The following AFAP1L2 variants were observed in gnomAD, a reference collection of about 807,000 sequenced individuals.
AFAP1L2 encodes actin filament associated protein 1 like 2.
AFAP1L2 carries 46 observed loss-of-function variants against 99.3 expected under a neutral mutation model. The ratio of observed to expected loss-of-function variants is 0.46; its 90% CI spans 0.37 to 0.59. The LOEUF (loss-of-function observed/expected upper bound fraction) is 0.59. Among genes scored for constraint, AFAP1L2 ranks in the 20% least tolerant of loss-of-function variants. The pLI is 0.00. For missense variants in AFAP1L2, 959 were observed against 1,034.9 expected (o/e 0.93, Z 1.01); for synonymous variants, 397 against 419.1 (o/e 0.95, Z 0.64).
At chr10:114,364,000 T>C (rs2052841224) in intron 1 of AFAP1L2, among the ~76,000 whole-genome samples, 1 of 152,164 alleles carries the variant, frequency 6.6e-6, no homozygotes. Context: ...CAGAACCCTG[T>C]CTGTGCTGCT....
chr10:114,340,820 C>T, intron 1 of AFAP1L2, 89 bp from the exon 2 acceptor site: 1 of 1,569,424 alleles, frequency 6.4e-7, no homozygotes, highest in Middle Eastern at 1.7e-4. Flanking sequence ...CAGCCTCCCA[C>T]CTCGAACCCT....
chr10:114,301,191 C>G (rs1209212030), intron 13 of AFAP1L2, among the ~76,000 whole-genome samples, 163 bp downstream of exon 13: 1 of 152,236 alleles, frequency 6.6e-6, no homozygotes, highest in Non-Finnish European at 1.5e-5. Flanking sequence ...ATATAGGAGA[C>G]AGCCTTGTTG....
At chr10:114,315,127 C>A (rs1255214690) in intron 6 of AFAP1L2, among the ~76,000 whole-genome samples, 1 of 152,102 alleles carries the variant, frequency 6.6e-6, no homozygotes, top group Non-Finnish European at 1.5e-5. Flanking sequence ...GGCGACAGAG[C>A]AAGACTCTGT....
At chr10:114,282,017 C>CTTTTTTTTTCTTT in the AFAP1L2 span, among the ~76,000 whole-genome samples, 1 of 119,662 alleles carries the variant, frequency 8.4e-6, no homozygotes, top group South Asian at 2.7e-4. Flanking sequence ...CTTATGTTAC[C>CTTTTTTTTTCTTT]TTTTTTTTTT....
intron 1 of AFAP1L2, among the ~76,000 whole-genome samples, chr10:114,372,297 G>C (rs2054221633): frequency 6.6e-6 from 1 of 152,154 alleles, no homozygotes; most frequent in South Asian, 2.1e-4. Context: ...CATTCCAACA[G>C]TTCCCAGATT....
chr10:114,341,804 T>C (rs2048868552), intron 1 of AFAP1L2, among the ~76,000 whole-genome samples: 1 of 152,024 alleles, frequency 6.6e-6, no homozygotes, highest in South Asian at 2.1e-4. Flanking sequence ...CTCTGCTAAA[T>C]CACAATTGTC....
At chr10:114,307,954 C>A in intron 9 of AFAP1L2, 45 bp from the exon 10 acceptor site, 2 of 1,536,136 alleles carry the variant, frequency 1.3e-6, no homozygotes, top group Non-Finnish European at 1.8e-6. Flanking sequence ...ACGTGGTCCA[C>A]CCACGTGCCC....
chr10:114,305,382 C>A (rs1333102264), intron 10 of AFAP1L2, among the ~76,000 whole-genome samples: 6 of 120,992 alleles, frequency 5.0e-5, no homozygotes, highest in Non-Finnish European at 8.4e-5. Flanking sequence ...CAGGAGAGAG[C>A]GGGGCTGCAG....
intron 1 of AFAP1L2, among the ~76,000 whole-genome samples, chr10:114,359,684 G>C (rs185875882): frequency 6.6e-6 from 1 of 152,332 alleles, no homozygotes; most frequent in Admixed American, 6.5e-5. Flanking sequence ...GCTTAGTATG[G>C]ACCTGGACAA....
intron 4 of AFAP1L2, chr10:114,325,741 G>T (rs376216321): frequency 1.1e-5 from 9 of 811,010 alleles, no homozygotes; most frequent in Non-Finnish European, 8.4e-6. Context: ...CCCCAGCCTG[G>T]TACAAGATCT....
chr10:114,390,947 C>A (rs535198647), intron 1 of AFAP1L2, among the ~76,000 whole-genome samples: 1 of 152,292 alleles, frequency 6.6e-6, no homozygotes, highest in South Asian at 2.1e-4. Flanking sequence ...CTTTTGGCAG[C>A]TTCCTTGACC....
chr10:114,398,006 A>C (rs1270959476), intron 1 of AFAP1L2, among the ~76,000 whole-genome samples: 1 of 152,158 alleles, frequency 6.6e-6, no homozygotes, highest in Non-Finnish European at 1.5e-5. Context: ...GAGAGATGTG[A>C]GATCCGTGTT....
chr10:114,353,923 C>T (rs560168960), intron 1 of AFAP1L2, among the ~76,000 whole-genome samples: 85 of 152,180 alleles, frequency 5.6e-4, no homozygotes, highest in Admixed American at 9.2e-4. Flanking sequence ...TCTTGGGAGA[C>T]GGAAGGATGT....
intron 6 of AFAP1L2, 54 bp downstream of exon 6, chr10:114,315,506 G>T: frequency 6.9e-7 from 1 of 1,458,508 alleles, no homozygotes; most frequent in South Asian, 1.2e-5. Context: ...CCCTGTCCCT[G>T]CCCCTTCCCC....
At chr10:114,293,379 C>T (rs1030867077), downstream of AFAP1L2, among the ~76,000 whole-genome samples, 1 of 152,084 alleles carries the variant, frequency 6.6e-6, no homozygotes, top group African/African-American at 2.4e-5. Context: ...TATTTGGGTG[C>T]CCTGATTGAA....
chr10:114,395,747 G>A (rs1236499968), intron 1 of AFAP1L2, among the ~76,000 whole-genome samples: 1 of 152,126 alleles, frequency 6.6e-6, no homozygotes, highest in Non-Finnish European at 1.5e-5. Flanking sequence ...GGAGATTGTG[G>A]CAGAGGTGTG....
At chr10:114,373,119 T>C (rs2054335839) in intron 1 of AFAP1L2, among the ~76,000 whole-genome samples, 1 of 152,204 alleles carries the variant, frequency 6.6e-6, no homozygotes, top group Non-Finnish European at 1.5e-5. Context: ...GGCATGCACC[T>C]GTGGTCCCAG....
At chr10:114,316,470 C>T (rs777250154) in intron 5 of AFAP1L2, among the ~76,000 whole-genome samples, 1 of 152,244 alleles carries the variant, frequency 6.6e-6, no homozygotes, top group Non-Finnish European at 1.5e-5. Flanking sequence ...ACACTGCTTG[C>T]TCTCCCTCCC....
At chr10:114,397,736 C>T (rs2138300589) in intron 1 of AFAP1L2, among the ~76,000 whole-genome samples, 1 of 152,318 alleles carries the variant, frequency 6.6e-6, no homozygotes, top group South Asian at 2.1e-4. Context: ...TCCTGGTACA[C>T]AGTGGTTGCT....
Sources: allele counts gnomAD v4.1 joint callset (sites outside exome capture counted in the v4.1 genomes callset), GRCh38; gene constraint gnomAD v4.1.1; transcripts MANE v1.5; gene names NCBI Gene and HGNC (gene_info 2026-07-23, HGNC 2026-07-21).